FADS1: variants seen among roughly 807,000 people sequenced by gnomAD.
FADS1 encodes the protein fatty acid desaturase 1, also known as acyl-CoA (8-3)-desaturase.
Under a neutral mutation model 61.6 loss-of-function variants are expected in FADS1, and 17 were observed. The ratio of observed to expected loss-of-function variants is 0.28; its 90% CI spans 0.19 to 0.41. FADS1 has a LOEUF of 0.41. Among genes scored for constraint, FADS1 ranks in the 10% least tolerant of loss-of-function variants. The pLI, the probability that FADS1 is intolerant of heterozygous loss-of-function variation, is 1.00. For synonymous variants in FADS1, 238 were observed against 258.7 expected, an observed-to-expected ratio of 0.92 and a Z score of 0.77; for missense variants, 387 against 650.9, an observed-to-expected ratio of 0.59 and a Z score of 4.41.
chr11:61,805,557 C>T (rs2066887136), intron 6 of FADS1: 1 of 152,198 alleles, frequency 6.6e-6, no homozygotes, highest in Non-Finnish European at 1.5e-5. Context: ...CTATTTCTTC[C>T]AGAGGTCTCT....
At position 61,803,165 on chromosome 11, in the gene FADS1, C is replaced by T. The variant is rs1452354417; in HGVS notation, c.1249-54G>A. On this transcript the variant is annotated intron_variant, in intron 9 of 11. Transcript: ENST00000350997. The surrounding 1 kb of genome is among the most constrained non-coding windows in gnomAD (Gnocchi z 4.3). The stretch of plus-strand genomic sequence containing the variant: ...TTGAATATCAGATGGAAAGGCCAGC[C>T]CAGCATTCTCCAGGTAAAGCTGGCT... 5 of 1,540,740 alleles carry T rather than the reference C, an allele frequency of 3.2e-6. No individual in the cohort carries two copies. The highest frequency in any genetic ancestry group is 1.7e-5 in the Admixed American group (1 of 58,968).
rs174548 is a variant in FADS1, at chr11:61,803,876, C to T, written c.1054-109G>A. On this transcript the variant is annotated intron_variant, in intron 7 of 11. Coordinates refer to ENST00000350997, the MANE Select transcript of FADS1 (RefSeq NM_013402.7). This position sits in a 1 kb window ranked among gnomAD's most constrained non-coding sequence, Gnocchi z 4.3. ...CCATTCTCCTGGTTATCCAGACTCA[C>T]TCATCTTCAGCTTCTCAGGGGTCCA... The T allele has an allele frequency of 1.1e-5, 9 of 808,600 alleles. No homozygotes were observed. In the South Asian group the frequency reaches 1.2e-4, roughly 11 times the overall value. 50.1% of individuals were successfully genotyped at this position (808,600 alleles called of 1,614,324 possible).
Position 61,801,164 on chromosome 11 carries a change from T to C in FADS1, c.*1247A>G, listed in dbSNP as rs2066853181. 1 of 152,384 alleles carries C rather than the reference T, an allele frequency of 6.6e-6. No homozygotes were observed. The highest frequency in any genetic ancestry group is 2.4e-5 in the African/African-American group (1 of 41,470). The allele number at this position is 152,384 out of a possible 1,614,324, so 9.4% of individuals were successfully genotyped here. ...TAATTCTATAACATCATTTAGGTTA[T>C]AGAAAGTTTCTACTTATAGCCCTTA... On this transcript the variant is annotated 3_prime_UTR_variant, in exon 12 of 12. Transcript: ENST00000350997.
intron 6 of FADS1, chr11:61,806,297 G>C (rs1211924133): frequency 5.6e-6 from 1 of 179,746 alleles, no homozygotes; most frequent in Non-Finnish European, 1.2e-5. Flanking sequence ...AGCCGAGATT[G>C]CGCCACTGCA....
chr11:61,802,609 A>AG lies in FADS1; in HGVS notation c.1455-148dup. 1 of 1,210,520 alleles carries AG rather than the reference A, an allele frequency of 8.3e-7. No individual in the cohort carries two copies. Among genetic ancestry groups the AG allele is most frequent in the Non-Finnish European group, 1.2e-6 (1 of 849,074 alleles). The allele number at this position is 1,210,520 out of a possible 1,614,324, so 75.0% of individuals were successfully genotyped here. The stretch of plus-strand genomic sequence containing the variant: ...AAAGCTAGCTTGGGCCATGGTACTG[A>AG]GGGGAACCCCAATGAGGGCAAAGGC... On this transcript the variant is annotated intron_variant, in intron 11 of 11. Transcript: ENST00000350997. This position sits in a 1 kb window ranked among gnomAD's most constrained non-coding sequence, Gnocchi z 4.2.
intron 5 of FADS1, among the ~76,000 whole-genome samples, chr11:61,807,664 A>G (rs964004078): frequency 2.6e-5 from 4 of 152,172 alleles, no homozygotes; most frequent in African/African-American, 7.2e-5. Context: ...CACCATGTCA[A>G]CCAGCCAGTC....
Position 61,815,016 on chromosome 11 carries a change from G to T in FADS1, c.375+1539C>A. 1 of 154,998 alleles carries T rather than the reference G, an allele frequency of 6.5e-6. No individual in the cohort carries two copies. Among genetic ancestry groups the T allele is most frequent in the Middle Eastern group, 5.7e-4 (1 of 1,748 alleles). The allele number at this position is 154,998 out of a possible 1,614,324, so 9.6% of individuals were successfully genotyped here. On this transcript the variant is annotated intron_variant, in intron 1 of 11. Transcript: ENST00000350997. The surrounding 1 kb of genome is among the most constrained non-coding windows in gnomAD (Gnocchi z 6.4). ...TTCCCTTTCCCTCCACCGTTGTTCT[G>T]GGTAGGGCTCCACATTTCCCTAAGC...
At chr11:61,811,545 A>C (rs2066931037) in intron 3 of FADS1, among the ~76,000 whole-genome samples, 1 of 151,662 alleles carries the variant, frequency 6.6e-6, no homozygotes, top group African/African-American at 2.4e-5. Flanking sequence ...ACCTCAGGTG[A>C]TCTGCCCACC....
At position 61,803,834 on chromosome 11, in the gene FADS1, T is replaced by C; in HGVS notation, c.1054-67A>G. Reference sequence around the variant, plus strand: ...TCTTCCTCTTCCTCTCAGCAGCTCTTTGTTTGCATGGTGCAGCCATTCTCC... The same window carrying C: ...TCTTCCTCTTCCTCTCAGCAGCTCTCTGTTTGCATGGTGCAGCCATTCTCC... On this transcript the variant is annotated intron_variant, in intron 7 of 11. Coordinates refer to ENST00000350997, the MANE Select transcript of FADS1 (RefSeq NM_013402.7). This position sits in a 1 kb window ranked among gnomAD's most constrained non-coding sequence, Gnocchi z 4.3. 2.5e-6 allele frequency: 3 copies of C among 1,211,760 alleles called. No homozygotes were observed. Among genetic ancestry groups the C allele is most frequent in the Non-Finnish European group, 3.7e-6 (3 of 817,728 alleles). The allele number at this position is 1,211,760 out of a possible 1,614,324, so 75.1% of individuals were successfully genotyped here.
Position 61,803,413 on chromosome 11 carries a change from T to A in FADS1, c.1198A>T (p.Ile400Phe). 1 of 1,614,190 alleles carries A rather than the reference T, an allele frequency of 6.2e-7. No homozygotes were observed. Among genetic ancestry groups the A allele is most frequent in the Non-Finnish European group, 8.5e-7 (1 of 1,180,008 alleles). Residue 400 changes from isoleucine (I) to phenylalanine (F), a missense_variant, in exon 9 of 12, where the codon ATT becomes TTT. By Grantham distance (21) the Ile-to-Phe change is conservative. Transcript: ENST00000350997. The surrounding 1 kb of genome is among the most constrained non-coding windows in gnomAD (Gnocchi z 4.3). ...CGGTCATGATCAATGTGCATGGGAA[T>A]ATGGTTCATCTGTGTCACCCACACA... ...WFVWVTQMNH[I>F]PMHIDHDRNM...
In FADS1 at chr11:61,811,004, C is replaced by T; in HGVS notation, c.756G>A (p.Leu252=). The T allele has an allele frequency of 6.2e-7, 1 of 1,614,162 alleles. No homozygotes were observed. Among genetic ancestry groups the T allele is most frequent in the East Asian group, 2.2e-5 (1 of 44,874 alleles). Residue 252 remains leucine, a synonymous_variant, in exon 4 of 12, where the codon CTG becomes CTA. Transcript: ENST00000350997. The part of the protein sequence containing the change: ...SVFSTSKWNH[L]LHHFVIGHLK... Reference sequence around the variant, plus strand: ...GGTGGCCAATCACAAAATGATGTAGCAGATGGTTCCACTTTGAGGTGCTGA... The same window carrying T: ...GGTGGCCAATCACAAAATGATGTAGTAGATGGTTCCACTTTGAGGTGCTGA...
chr11:61,809,187 G>A (rs1231783566), intron 5 of FADS1, among the ~76,000 whole-genome samples: 1 of 152,048 alleles, frequency 6.6e-6, no homozygotes, highest in African/African-American at 2.4e-5. Flanking sequence ...TTGCAGTGTT[G>A]GCCCTTTTCA....
At chr11:61,804,931 C>T (rs1053377939) in intron 6 of FADS1, 170 bp from the exon 7 acceptor site, 2 of 614,926 alleles carry the variant, frequency 3.3e-6, no homozygotes. Flanking sequence ...CCAGCAGGCA[C>T]TGAAGGTGGG....
At chr11:61,809,598 C>A (rs1269451463) in intron 5 of FADS1, among the ~76,000 whole-genome samples, 1 of 152,208 alleles carries the variant, frequency 6.6e-6, no homozygotes, top group African/African-American at 2.4e-5. Context: ...CTGTTCCCTT[C>A]CACTTAACCT....
chr11:61,813,047 G>A (rs2066942438), intron 2 of FADS1, among the ~76,000 whole-genome samples, 196 bp downstream of exon 2: 1 of 152,168 alleles, frequency 6.6e-6, no homozygotes, highest in Middle Eastern at 3.2e-3. Context: ...CCTTGGGGGA[G>A]CCATAGGTTG....
At position 61,816,282 on chromosome 11, in the gene FADS1, T is replaced by C. The variant is rs759340735; in HGVS notation, c.375+273A>G. The C allele has an allele frequency of 8.8e-6, 14 of 1,598,350 alleles. No individual in the cohort carries two copies. In the Middle Eastern group the frequency reaches 1.2e-3, roughly 132 times the overall value. ...GAGACCTGAGGCTCGGGGCTGCAGA[T>C]GGAATGCACGGCAGGGAGGCGGGAC... is the stretch of plus-strand genomic sequence containing the variant. On this transcript the variant is annotated intron_variant, in intron 1 of 11. Coordinates refer to ENST00000350997, the MANE Select transcript of FADS1 (RefSeq NM_013402.7). This position sits in a 1 kb window ranked among gnomAD's most constrained non-coding sequence, Gnocchi z 7.0.
intron 6 of FADS1, 196 bp downstream of exon 6, chr11:61,806,468 A>G (rs1034036304): frequency 2.2e-5 from 13 of 595,508 alleles, no homozygotes; most frequent in Non-Finnish European, 3.6e-5. Context: ...CCTTCAACCA[A>G]TCATCAGCCT....
Position 61,816,967 on chromosome 11 carries a change from C to G in FADS1, c.-38G>C, listed in dbSNP as rs1458217575. On this transcript the variant is annotated 5_prime_UTR_variant, in exon 1 of 12. Transcript: ENST00000350997. The surrounding 1 kb of genome is among the most constrained non-coding windows in gnomAD (Gnocchi z 7.0). The stretch of plus-strand genomic sequence containing the variant: ...GTGGCGCGGGGAGCGAGATCCCGTC[C>G]CCCGGTGGGTCTTGGGCAACTCACA... 1 of 1,369,138 alleles carries G rather than the reference C, an allele frequency of 7.3e-7. No individual in the cohort carries two copies. Among genetic ancestry groups the G allele is most frequent in the Non-Finnish European group, 9.4e-7 (1 of 1,069,146 alleles). The allele number at this position is 1,369,138 out of a possible 1,614,324, so 84.8% of individuals were successfully genotyped here.
At chr11:61,811,838 T>C in intron 3 of FADS1, 1 of 445,952 alleles carries the variant, frequency 2.2e-6, no homozygotes, top group Non-Finnish European at 4.5e-6. Context: ...TCTGCCCATC[T>C]TGGCCTCCCA....
Sources: allele counts gnomAD v4.1 joint callset (sites outside exome capture counted in the v4.1 genomes callset), GRCh38; gene constraint gnomAD v4.1.1; non-coding constraint Gnocchi (gnomAD v3.1); transcripts MANE v1.5; gene names NCBI Gene and HGNC (gene_info 2026-07-23, HGNC 2026-07-21).